CTNNA3: variants seen among roughly 807,000 people sequenced by gnomAD.
CTNNA3 encodes the protein catenin alpha 3.
In CTNNA3, 76 loss-of-function variants were observed where a neutral mutation model predicts 95.7. The observed-to-expected ratio is 0.79, with a 90% confidence interval of 0.66 to 0.96. The LOEUF is 0.96. Among genes scored for constraint, CTNNA3 ranks in the 40% least tolerant of loss-of-function variants. CTNNA3 has a pLI of 0.00. For missense variants in CTNNA3, 1,191 were observed against 1,089.8 expected (o/e 1.09, Z -1.31); for synonymous variants, 431 against 374.4 (o/e 1.15, Z -1.74).
At chr10:67,428,236 A>G (rs1364196691) in intron 5 of CTNNA3, among the ~76,000 whole-genome samples, 1 of 152,094 alleles carries the variant, frequency 6.6e-6, no homozygotes. Flanking sequence ...AAGTATGATG[A>G]ATTAAATGCT....
intron 7 of CTNNA3, among the ~76,000 whole-genome samples, chr10:67,087,597 TA>T (rs1329055839): frequency 6.6e-6 from 1 of 151,878 alleles, no homozygotes; most frequent in East Asian, 1.9e-4. Flanking sequence ...TAAAATCAAA[TA>T]AAAAATAAAG....
In CTNNA3 at chr10:67,194,293, GC is replaced by G. The variant is rs537078277; in HGVS notation, c.844-13774del. ...GTTTATAGCAGCTTTATTCATAATT[GC>G]CAAAACTTGGACGCAACCAAGAGGT... is the stretch of plus-strand genomic sequence containing the variant. On this transcript the variant is annotated intron_variant, in intron 6 of 17. Transcript: ENST00000433211. 1.2e-3 allele frequency among the ~76,000 whole-genome samples: 185 copies of G among 152,108 alleles called. 2 individuals carry two copies. Among genetic ancestry groups the G allele is most frequent in the African/African-American group, 4.3e-3 (179 of 41,540 alleles).
intron 1 of CTNNA3, among the ~76,000 whole-genome samples, chr10:67,684,594 G>A (rs936428538): frequency 1.1e-4 from 17 of 152,142 alleles, no homozygotes; most frequent in Non-Finnish European, 2.5e-4. Context: ...TGCTGGATAG[G>A]GGCAAAGAAG....
intron 1 of CTNNA3, among the ~76,000 whole-genome samples, chr10:67,751,910 A>G (rs1019241669): frequency 2.0e-5 from 3 of 152,016 alleles, no homozygotes; most frequent in Non-Finnish European, 2.9e-5. Flanking sequence ...AGGAGTGGGT[A>G]CCATTCTTTC....
At chr10:66,974,240 C>T (rs1849895475) in intron 7 of CTNNA3, among the ~76,000 whole-genome samples, 2 of 152,160 alleles carry the variant, frequency 1.3e-5, no homozygotes, top group African/African-American at 4.8e-5. Context: ...TTTAGGCCTA[C>T]TTCTGATTCA....
intron 12 of CTNNA3, among the ~76,000 whole-genome samples, chr10:66,300,056 CTA>C (rs2132225262): frequency 7.2e-6 from 1 of 139,750 alleles, no homozygotes; most frequent in African/African-American, 2.7e-5. Flanking sequence ...CCATGCCTGG[CTA>C]ATTTTTTATA....
chr10:67,726,565 T>C (rs1285609862), intron 1 of CTNNA3, among the ~76,000 whole-genome samples: 7 of 69,784 alleles, frequency 1.0e-4, no homozygotes, highest in African/African-American at 4.5e-4. Context: ...TAATATAATA[T>C]ATATTACATA....
intron 5 of CTNNA3, among the ~76,000 whole-genome samples, chr10:67,461,645 TAAAG>T (rs35921910): frequency 0.017 from 2,659 of 152,272 alleles, 81 homozygotes; most frequent in African/African-American, 0.061. Context: ...TTTTGCCAAA[TAAAG>T]AAATCATAAG....
At chr10:66,949,565 A>T (rs900743011) in intron 7 of CTNNA3, among the ~76,000 whole-genome samples, 9 of 30,604 alleles carry the variant, frequency 2.9e-4, no homozygotes, top group East Asian at 1.1e-3. Context: ...TCTCAAAATA[A>T]AAAAAAAAAA....
intron 13 of CTNNA3, among the ~76,000 whole-genome samples, chr10:66,116,307 T>C (rs1352146586): frequency 6.6e-6 from 1 of 152,164 alleles, no homozygotes; most frequent in Non-Finnish European, 1.5e-5. Flanking sequence ...TTTTTTAAAA[T>C]GTCCATGTAT....
chr10:67,762,533 T>A (rs1841467541), intron 1 of CTNNA3, among the ~76,000 whole-genome samples: 1 of 152,090 alleles, frequency 6.6e-6, no homozygotes, highest in South Asian at 2.1e-4. Context: ...GTAAACATTA[T>A]CAACATTCAA....
chr10:66,114,088 A>G (rs2082222474), intron 13 of CTNNA3, among the ~76,000 whole-genome samples: 1 of 152,150 alleles, frequency 6.6e-6, no homozygotes, highest in African/African-American at 2.4e-5. Flanking sequence ...AAAAATCAGA[A>G]CACCGGTGCC....
intron 7 of CTNNA3, among the ~76,000 whole-genome samples, chr10:66,883,234 C>T (rs577189179): frequency 2.0e-5 from 3 of 152,066 alleles, no homozygotes; most frequent in Admixed American, 6.6e-5. Flanking sequence ...GGTGGTACAG[C>T]GAGTGCTCAG....
At chr10:66,571,898 T>C (rs998067652) in intron 10 of CTNNA3, among the ~76,000 whole-genome samples, 9 of 152,190 alleles carry the variant, frequency 5.9e-5, no homozygotes, top group Non-Finnish European at 1.3e-4. Flanking sequence ...ATAGAATCAC[T>C]GACGCATTTT....
At chr10:66,054,142 ATT>A (rs2133547601) in intron 15 of CTNNA3, among the ~76,000 whole-genome samples, 1 of 152,238 alleles carries the variant, frequency 6.6e-6, no homozygotes, top group East Asian at 1.9e-4. Context: ...TGGATACATA[ATT>A]TTATTCCATT....
At chr10:67,529,955 C>T (rs1170626967) in intron 4 of CTNNA3, among the ~76,000 whole-genome samples, 14 of 152,070 alleles carry the variant, frequency 9.2e-5, no homozygotes, top group South Asian at 4.2e-4. Flanking sequence ...ATGAGTGTCA[C>T]GAGATCTGAC....
At chr10:66,318,113 T>C (rs2092126616) in intron 12 of CTNNA3, among the ~76,000 whole-genome samples, 1 of 151,992 alleles carries the variant, frequency 6.6e-6, no homozygotes, top group Non-Finnish European at 1.5e-5. Flanking sequence ...CCATGAAGCT[T>C]TATTTTCAAA....
rs140214458 is a variant in CTNNA3 at position 66,826,141 on chromosome 10, T to C, written c.1048-50617A>G. The stretch of plus-strand genomic sequence containing the variant: ...GTGTTCAGTATGTTTCTTGATGGTG[T>C]TGTCAGTTCTTTTTGATAGACATAT... On this transcript the variant is annotated intron_variant, in intron 7 of 17. Coordinates refer to ENST00000433211, the MANE Select transcript of CTNNA3 (RefSeq NM_013266.4). 6.4e-3 allele frequency among the ~76,000 whole-genome samples: 982 copies of C among 152,278 alleles called. 13 individuals are homozygous for C. The highest frequency in any genetic ancestry group is 0.022 in the African/African-American group (904 of 41,560).
chr10:67,701,095 G>A (rs970506140), upstream of CTNNA3, among the ~76,000 whole-genome samples: 25 of 152,054 alleles, frequency 1.6e-4, no homozygotes, highest in Admixed American at 7.2e-4. Flanking sequence ...AAAAAGAAAC[G>A]AAAAAGCCTC....
Sources: allele counts gnomAD v4.1 joint callset (sites outside exome capture counted in the v4.1 genomes callset), GRCh38; gene constraint gnomAD v4.1.1; transcripts MANE v1.5; gene names NCBI Gene and HGNC (gene_info 2026-07-23, HGNC 2026-07-21).